The following SPMIP2 variants were observed in gnomAD, a reference collection of about 807,000 sequenced individuals.
The protein encoded by SPMIP2 is protein SPMIP2.
chr4:158,903,756 G>A, the SPMIP2 span, among the ~76,000 whole-genome samples: 1 of 152,106 alleles, frequency 6.6e-6, no homozygotes, highest in Non-Finnish European at 1.5e-5. Flanking sequence ...TTTACTTTGA[G>A]GAATTCAAGG....
the SPMIP2 span, among the ~76,000 whole-genome samples, chr4:158,994,635 T>G: frequency 6.6e-6 from 1 of 152,172 alleles, no homozygotes; most frequent in African/African-American, 2.4e-5. Context: ...TAGGTATATT[T>G]GATAATCTGT....
At chr4:159,016,197 T>A in the SPMIP2 span, among the ~76,000 whole-genome samples, 2 of 152,218 alleles carry the variant, frequency 1.3e-5, no homozygotes, top group Non-Finnish European at 2.9e-5. Context: ...GTAAGAGACA[T>A]GAAATGTAAA....
the SPMIP2 span, among the ~76,000 whole-genome samples, chr4:158,989,217 G>T: frequency 2.6e-5 from 4 of 152,164 alleles, no homozygotes; most frequent in Non-Finnish European, 4.4e-5. Flanking sequence ...ACAAACTACT[G>T]CTCAAGGAAA....
the SPMIP2 span, among the ~76,000 whole-genome samples, chr4:159,071,676 C>CT: frequency 1.3e-5 from 2 of 152,060 alleles, no homozygotes; most frequent in East Asian, 1.9e-4. Context: ...CCTGAGAATT[C>CT]TTTTTTTTCT....
chr4:159,005,428 G>A, the SPMIP2 span, among the ~76,000 whole-genome samples: 1 of 152,164 alleles, frequency 6.6e-6, no homozygotes, highest in South Asian at 2.1e-4. Context: ...TGGGCAGCAA[G>A]AGCGAAACTC....
the SPMIP2 span, among the ~76,000 whole-genome samples, chr4:159,074,673 A>G: frequency 6.6e-6 from 1 of 152,174 alleles, no homozygotes; most frequent in South Asian, 2.1e-4. Flanking sequence ...GGCAATGTGT[A>G]ATGGAGCACA....
the SPMIP2 span, among the ~76,000 whole-genome samples, chr4:158,920,064 G>A: frequency 2.0e-5 from 3 of 152,182 alleles, no homozygotes; most frequent in African/African-American, 7.2e-5. Context: ...GGACCAGCTG[G>A]AGCTGCAGCA....
chr4:159,063,979 C>T, the SPMIP2 span, among the ~76,000 whole-genome samples: 1 of 152,194 alleles, frequency 6.6e-6, no homozygotes, highest in South Asian at 2.1e-4. Context: ...CTAAAAAAGA[C>T]ATGTAGGGAA....
At chr4:158,919,843 T>A in the SPMIP2 span, among the ~76,000 whole-genome samples, 1 of 152,214 alleles carries the variant, frequency 6.6e-6, no homozygotes, top group Non-Finnish European at 1.5e-5. Context: ...TTTTGACATG[T>A]CCCTGTCATT....
chr4:158,950,791 G>A, the SPMIP2 span, among the ~76,000 whole-genome samples: 1 of 152,268 alleles, frequency 6.6e-6, no homozygotes, highest in South Asian at 2.1e-4. Context: ...AGCTACTCAG[G>A]AGGCTGAGGC....
chr4:159,042,499 C>T, the SPMIP2 span, among the ~76,000 whole-genome samples: 3 of 152,184 alleles, frequency 2.0e-5, no homozygotes, highest in East Asian at 1.9e-4. Context: ...CTTGGCTCAA[C>T]GAGAAGGGAA....
the SPMIP2 span, among the ~76,000 whole-genome samples, chr4:159,045,136 TG>T: frequency 1.5e-4 from 23 of 151,444 alleles, no homozygotes; most frequent in Admixed American, 4.6e-4. Flanking sequence ...CCCAGAAGTC[TG>T]GAAAGTTGAG....
At chr4:158,915,161 A>G in the SPMIP2 span, 23 of 1,600,866 alleles carry the variant, frequency 1.4e-5, no homozygotes, top group Non-Finnish European at 1.8e-5. Flanking sequence ...GAAAAGCAAA[A>G]CATCATACCT....
chr4:158,916,729 C>T, the SPMIP2 span, among the ~76,000 whole-genome samples: 3 of 152,162 alleles, frequency 2.0e-5, no homozygotes. Context: ...CTGCAACCAC[C>T]ACCTCCCAGG....
At chr4:158,988,639 A>G in the SPMIP2 span, among the ~76,000 whole-genome samples, 95,751 of 152,024 alleles carry the variant, frequency 0.63, 30,519 homozygotes, top group Middle Eastern at 0.71. Context: ...GACAAAAACT[A>G]TGTGATTATC....
the SPMIP2 span, among the ~76,000 whole-genome samples, chr4:158,902,495 T>C: frequency 6.6e-6 from 1 of 152,190 alleles, no homozygotes; most frequent in Non-Finnish European, 1.5e-5. Flanking sequence ...GTCTGACCCT[T>C]AGCAGAGCTC....
At chr4:158,937,885 A>G in the SPMIP2 span, among the ~76,000 whole-genome samples, 1 of 152,242 alleles carries the variant, frequency 6.6e-6, no homozygotes, top group South Asian at 2.1e-4. Context: ...TTCCAAGGAT[A>G]ATCAGTTGTT....
chr4:159,008,615 G>A, the SPMIP2 span, among the ~76,000 whole-genome samples: 4 of 152,044 alleles, frequency 2.6e-5, no homozygotes, highest in African/African-American at 9.7e-5. Context: ...TTATGACAGC[G>A]CCCATTTTAA....
At chr4:158,893,727 A>C in the SPMIP2 span, 1 of 1,567,464 alleles carries the variant, frequency 6.4e-7, no homozygotes. Flanking sequence ...TCTGTAAGAG[A>C]AGTAATGTAT....
Sources: allele counts gnomAD v4.1 joint callset (sites outside exome capture counted in the v4.1 genomes callset), GRCh38; gene constraint gnomAD v4.1.1; transcripts MANE v1.5; gene names NCBI Gene and HGNC (gene_info 2026-07-23, HGNC 2026-07-21).